SAMD4A: variants seen among roughly 807,000 people sequenced by gnomAD.
SAMD4A encodes protein Smaug homolog 1.
Under a neutral mutation model 81.3 loss-of-function variants are expected in SAMD4A, and 33 were observed. That is an observed-to-expected ratio of 0.41 (90% CI 0.31 to 0.54). SAMD4A has a LOEUF of 0.54. SAMD4A is among the 20% of genes least tolerant of loss of function. The pLI is 0.37. For synonymous variants in SAMD4A, 389 were observed against 382.1 expected (o/e 1.02, Z -0.21); for missense variants, 854 against 951.1 (o/e 0.90, Z 1.34).
intron 2 of SAMD4A, among the ~76,000 whole-genome samples, chr14:54,584,880 T>C (rs1311278813): frequency 6.6e-6 from 1 of 152,180 alleles, no homozygotes; most frequent in Non-Finnish European, 1.5e-5. Flanking sequence ...CCAAATCAGG[T>C]TCTAGCAAAG....
intron 3 of SAMD4A, among the ~76,000 whole-genome samples, chr14:54,733,961 C>T (rs867890098): frequency 3.3e-5 from 5 of 152,204 alleles, no homozygotes; most frequent in African/African-American, 9.6e-5. Flanking sequence ...CTGGCCCCCT[C>T]GTCAATTCCA....
At chr14:54,611,523 G>A (rs907308060) in intron 2 of SAMD4A, among the ~76,000 whole-genome samples, 1 of 152,176 alleles carries the variant, frequency 6.6e-6, no homozygotes, top group Non-Finnish European at 1.5e-5. Flanking sequence ...AATCAGTAAG[G>A]TTAAAAAGAG....
intron 2 of SAMD4A, among the ~76,000 whole-genome samples, chr14:54,641,156 C>T (rs958397912): frequency 6.6e-6 from 1 of 152,182 alleles, no homozygotes; most frequent in Non-Finnish European, 1.5e-5. Context: ...CTTGTTTTCT[C>T]ATCTGTAAAA....
At chr14:54,653,146 C>T (rs984702338) in intron 2 of SAMD4A, among the ~76,000 whole-genome samples, 1 of 151,812 alleles carries the variant, frequency 6.6e-6, no homozygotes, top group Non-Finnish European at 1.5e-5. Context: ...CTCTTCCTTG[C>T]TGTCAGCCAT....
At chr14:54,706,228 C>T (rs1216824912) in intron 3 of SAMD4A, among the ~76,000 whole-genome samples, 1 of 144,006 alleles carries the variant, frequency 6.9e-6, no homozygotes, top group Non-Finnish European at 1.5e-5. Context: ...CTGAAGTGAG[C>T]TGTGATCGTG....
intron 3 of SAMD4A, among the ~76,000 whole-genome samples, chr14:54,720,041 CTTAATGT>C (rs1566602539): frequency 6.6e-6 from 1 of 152,142 alleles, no homozygotes. Context: ...TTCTAATCTC[CTTAATGT>C]TTCTTCTCCT....
rs537230980 is a variant in SAMD4A at position 54,600,471 on chromosome 14, A to G, written c.196+32359A>G. Among the ~76,000 whole-genome samples, 6 of 152,364 alleles carry G rather than the reference A, an allele frequency of 3.9e-5. No homozygotes were observed. The East Asian group carries it at 1.2e-3, about 29-fold the overall frequency. ...GAATTCAGTGAACTGTCAACAGAAT[A>G]TAATTTCTTTCAGAATTTGTTATTC... is the stretch of plus-strand genomic sequence containing the variant. On this transcript the variant is annotated intron_variant, in intron 2 of 12. Coordinates refer to ENST00000554335, the MANE Select transcript of SAMD4A (RefSeq NM_015589.6).
chr14:54,640,865 GC>G (rs1416680272), intron 2 of SAMD4A, among the ~76,000 whole-genome samples: 4 of 152,116 alleles, frequency 2.6e-5, no homozygotes, highest in Non-Finnish European at 5.9e-5. Context: ...CTTCCTACTG[GC>G]CTTCCCCTTA....
intron 2 of SAMD4A, among the ~76,000 whole-genome samples, chr14:54,643,219 C>T (rs2035213076): frequency 6.6e-6 from 1 of 152,216 alleles, no homozygotes; most frequent in African/African-American, 2.4e-5. Context: ...TGAAAAAGAA[C>T]TCTAAGGGGG....
At chr14:54,681,142 G>T (rs545544627) in intron 2 of SAMD4A, among the ~76,000 whole-genome samples, 100 of 152,252 alleles carry the variant, frequency 6.6e-4, no homozygotes, top group Non-Finnish European at 1.1e-3. Context: ...GTTGGGCTGG[G>T]AACCAGGAGT....
At chr14:54,699,816 G>A (rs2036666867) in intron 2 of SAMD4A, among the ~76,000 whole-genome samples, 1 of 152,182 alleles carries the variant, frequency 6.6e-6, no homozygotes, top group South Asian at 2.1e-4. Flanking sequence ...CCAGGGCAGA[G>A]ATTCTAAAGC....
At chr14:54,654,288 TAC>T (rs1237424771) in intron 2 of SAMD4A, among the ~76,000 whole-genome samples, 3 of 152,140 alleles carry the variant, frequency 2.0e-5, no homozygotes, top group African/African-American at 7.2e-5. Flanking sequence ...AGGGAATTCC[TAC>T]TGGTAGTAGC....
chr14:54,722,643 T>A (rs2037291913), intron 3 of SAMD4A, among the ~76,000 whole-genome samples: 1 of 152,226 alleles, frequency 6.6e-6, no homozygotes, highest in African/African-American at 2.4e-5. Flanking sequence ...CAGATCTCTC[T>A]AGGTCTTTGA....
At chr14:54,615,343 A>G (rs1450197930) in intron 2 of SAMD4A, among the ~76,000 whole-genome samples, 1 of 152,242 alleles carries the variant, frequency 6.6e-6, no homozygotes, top group Non-Finnish European at 1.5e-5. Context: ...ACTTAATTCT[A>G]TTCCTTTTCC....
At chr14:54,682,955 C>T (rs904841872) in intron 2 of SAMD4A, among the ~76,000 whole-genome samples, 1 of 152,196 alleles carries the variant, frequency 6.6e-6, no homozygotes, top group Non-Finnish European at 1.5e-5. Flanking sequence ...ATATTGTCCT[C>T]TCCCATTGCT....
At chr14:54,613,593 T>G (rs1169001324) in intron 2 of SAMD4A, among the ~76,000 whole-genome samples, 1 of 152,238 alleles carries the variant, frequency 6.6e-6, no homozygotes, top group Non-Finnish European at 1.5e-5. Flanking sequence ...TGACTTATAG[T>G]GTCTGTCTTC....
At chr14:54,637,756 T>C (rs1487512416) in intron 2 of SAMD4A, among the ~76,000 whole-genome samples, 2 of 152,236 alleles carry the variant, frequency 1.3e-5, no homozygotes, top group East Asian at 3.8e-4. Context: ...CACAGTGATG[T>C]ACCTCTGACC....
chr14:54,617,475 T>C (rs539097160), intron 2 of SAMD4A, among the ~76,000 whole-genome samples: 47 of 151,934 alleles, frequency 3.1e-4, no homozygotes, highest in African/African-American at 1.0e-3. Flanking sequence ...CTTTCCCTTT[T>C]TTTTTCAGAG....
intron 2 of SAMD4A, among the ~76,000 whole-genome samples, chr14:54,662,070 A>G (rs2140471507): frequency 6.6e-6 from 1 of 152,334 alleles, no homozygotes; most frequent in East Asian, 1.9e-4. Flanking sequence ...TCTCAGACAC[A>G]GGGACACTCA....
Sources: allele counts gnomAD v4.1 joint callset (sites outside exome capture counted in the v4.1 genomes callset), GRCh38; gene constraint gnomAD v4.1.1; transcripts MANE v1.5; gene names NCBI Gene and HGNC (gene_info 2026-07-23, HGNC 2026-07-21).